FAM81A: variants seen among roughly 807,000 people sequenced by gnomAD.
The protein encoded by FAM81A is protein FAM81A.
In FAM81A, 19 loss-of-function variants were observed where a neutral mutation model predicts 46.7. The ratio of observed to expected loss-of-function variants is 0.41; its 90% CI spans 0.28 to 0.60. The LOEUF is 0.60. Among genes scored for constraint, FAM81A ranks in the 20% least tolerant of loss-of-function variants. The pLI is 0.34. For synonymous variants in FAM81A, 183 were observed against 152.9 expected, an observed-to-expected ratio of 1.20 and a Z score of -1.45; for missense variants, 377 against 453.5, an observed-to-expected ratio of 0.83 and a Z score of 1.53.
intron 3 of FAM81A, among the ~76,000 whole-genome samples, chr15:59,465,898 A>G (rs1346258407): frequency 6.6e-6 from 1 of 151,942 alleles, no homozygotes; most frequent in Non-Finnish European, 1.5e-5. Context: ...CCATGTGTCC[A>G]AGTGATCTCA....
At position 59,503,915 on chromosome 15, in the gene FAM81A, G is replaced by C. The variant is rs546936442; in HGVS notation, c.414-3298G>C. Among the ~76,000 whole-genome samples the C allele has an allele frequency of 4.1e-4, 63 of 152,292 alleles. 1 individual carries two copies. Among genetic ancestry groups the C allele is most frequent in the Admixed American group, 4.1e-3 (62 of 15,288 alleles). ...AATAGAAATTTATGTTATAGTACTT[G>C]TGTTTCCAAGTGAGACACAGCATTG... On this transcript the variant is annotated intron_variant, in intron 4 of 8. Transcript: ENST00000288228.
intron 1 of FAM81A, among the ~76,000 whole-genome samples, chr15:59,441,561 A>G (rs1461889533): frequency 1.3e-5 from 2 of 151,978 alleles, no homozygotes; most frequent in African/African-American, 4.8e-5. Flanking sequence ...TTCTTTGTCC[A>G]CTCACCTATT....
rs1596550517 is a variant in FAM81A, at chr15:59,516,754, A to G, written c.896A>G (p.Glu299Gly). The G allele has an allele frequency of 2.5e-6, 4 of 1,613,666 alleles. No individual in the cohort carries two copies. The East Asian group carries it at 8.9e-5, about 36-fold the overall frequency. Residue 299 changes from glutamate to glycine, a missense_variant, in exon 8 of 9, where the codon GAA becomes GGA. By Grantham distance (98) the Glu-to-Gly change is moderately conservative. Transcript: ENST00000288228. ...TTTGATGGTCAGAGAACAAGGCAAG[A>G]AGAGGAGAAGATGCACGGGCGAATC... ...KTFDGQRTRQ[E>G]EEKMHGRITK...
At chr15:59,515,006 A>G (rs1236609028) in intron 7 of FAM81A, among the ~76,000 whole-genome samples, 7 of 152,150 alleles carry the variant, frequency 4.6e-5, no homozygotes, top group Non-Finnish European at 8.8e-5. Context: ...GCACTTTGGG[A>G]GGCTGAGGCG....
chr15:59,498,808 C>G (rs1216213069), intron 4 of FAM81A, among the ~76,000 whole-genome samples: 4 of 152,192 alleles, frequency 2.6e-5, no homozygotes, highest in Admixed American at 6.5e-5. Flanking sequence ...GTGCCTGCCA[C>G]CATGCCCAGC....
At chr15:59,440,816 C>T (rs539555196) in intron 1 of FAM81A, among the ~76,000 whole-genome samples, 1 of 152,278 alleles carries the variant, frequency 6.6e-6, no homozygotes, top group Admixed American at 6.5e-5. Context: ...TCCATTCTGT[C>T]TGGGATCCCA....
chr15:59,512,652 C>T (rs546258113), intron 6 of FAM81A, among the ~76,000 whole-genome samples: 27 of 152,150 alleles, frequency 1.8e-4, no homozygotes, highest in Non-Finnish European at 3.2e-4. Flanking sequence ...CATGTCTTAC[C>T]TGGCAGGGGT....
chr15:59,479,963 G>A (rs1328644503), intron 3 of FAM81A, among the ~76,000 whole-genome samples: 6 of 152,144 alleles, frequency 3.9e-5, no homozygotes, highest in South Asian at 2.1e-4. Context: ...TGGCTACTTC[G>A]TGGAGAAGGA....
intron 3 of FAM81A, among the ~76,000 whole-genome samples, chr15:59,487,511 GC>G (rs1230186829): frequency 1.3e-5 from 2 of 151,482 alleles, no homozygotes; most frequent in Non-Finnish European, 2.9e-5. Flanking sequence ...ACAAACTTTA[GC>G]TAGACTAAGA....
intron 4 of FAM81A, among the ~76,000 whole-genome samples, chr15:59,494,111 A>G (rs1413988465): frequency 6.6e-6 from 1 of 152,206 alleles, no homozygotes; most frequent in Non-Finnish European, 1.5e-5. Flanking sequence ...GTCTCTGGAA[A>G]ACAGTAGATA....
chr15:59,492,509 C>T (rs2141758021), intron 4 of FAM81A, 120 bp downstream of exon 4: 3 of 742,758 alleles, frequency 4.0e-6, no homozygotes, highest in East Asian at 2.9e-5. Flanking sequence ...TTAGTACATT[C>T]CCTCCCTGCT....
At chr15:59,493,178 T>C (rs1291712188) in intron 4 of FAM81A, among the ~76,000 whole-genome samples, 1 of 152,010 alleles carries the variant, frequency 6.6e-6, no homozygotes, top group Non-Finnish European at 1.5e-5. Flanking sequence ...TGGAGTCGGG[T>C]GGAAGAAAGA....
intron 1 of FAM81A, among the ~76,000 whole-genome samples, chr15:59,398,072 G>C (rs1296316399): frequency 2.0e-5 from 3 of 152,124 alleles, no homozygotes; most frequent in African/African-American, 7.2e-5. Context: ...GCATCACCTA[G>C]CGACTATCAA....
intron 1 of FAM81A, among the ~76,000 whole-genome samples, chr15:59,439,235 A>C (rs2081271146): frequency 6.6e-6 from 1 of 152,204 alleles, no homozygotes; most frequent in Non-Finnish European, 1.5e-5. Context: ...TCGAATCCAC[A>C]AAAGTGCAGC....
chr15:59,453,012 C>T (rs1391151230), intron 1 of FAM81A, among the ~76,000 whole-genome samples: 3 of 152,212 alleles, frequency 2.0e-5, no homozygotes, highest in Non-Finnish European at 4.4e-5. Flanking sequence ...ATCCTCCTGC[C>T]TCGGCCTCCC....
intron 3 of FAM81A, among the ~76,000 whole-genome samples, chr15:59,467,049 CT>C (rs1348070233): frequency 6.6e-6 from 1 of 152,130 alleles, no homozygotes; most frequent in Non-Finnish European, 1.5e-5. Flanking sequence ...GGCCTCTGTT[CT>C]GTTCCATTGG....
intron 2 of FAM81A, among the ~76,000 whole-genome samples, chr15:59,413,855 GGT>G (rs2081133624): frequency 6.6e-6 from 1 of 152,220 alleles, no homozygotes; most frequent in Non-Finnish European, 1.5e-5. Context: ...CTTCCTCCCA[GGT>G]GTTCTTATCA....
intron 2 of FAM81A, among the ~76,000 whole-genome samples, chr15:59,428,851 G>A (rs745546753): frequency 4.6e-5 from 7 of 151,858 alleles, no homozygotes; most frequent in Non-Finnish European, 1.0e-4. Context: ...GGCTGATCTC[G>A]AACTCCTGAG....
intron 2 of FAM81A, among the ~76,000 whole-genome samples, chr15:59,404,346 G>A (rs2081085188): frequency 6.6e-6 from 1 of 152,166 alleles, no homozygotes; most frequent in Admixed American, 6.5e-5. Context: ...GCAAGTCAGA[G>A]TCCATAGCCC....
Sources: gnomAD v4.1 joint callset for allele counts (sites outside exome capture counted in the v4.1 genomes callset) on GRCh38, gnomAD v4.1.1 for gene constraint, MANE v1.5 for transcripts, NCBI Gene and HGNC (gene_info 2026-07-23, HGNC 2026-07-21) for gene names.